MUC5AC: variants seen among roughly 807,000 people sequenced by gnomAD.
MUC5AC encodes mucin-5AC.
In MUC5AC, 158 loss-of-function variants were observed where a neutral mutation model predicts 169.7. The ratio of observed to expected loss-of-function variants is 0.93; its 90% CI spans 0.82 to 1.06. MUC5AC has a LOEUF of 1.06. MUC5AC is among the 50% of genes least tolerant of loss of function. The pLI, the probability that MUC5AC is intolerant of heterozygous loss-of-function variation, is 0.00. For missense variants in MUC5AC, 4,359 were observed against 3,089.9 expected, an observed-to-expected ratio of 1.41 and a Z score of -9.74; for synonymous variants, 1,975 against 1,237.0, an observed-to-expected ratio of 1.60 and a Z score of -12.52.
intron 4 of MUC5AC, 31 bp from the exon 5 acceptor site, chr11:1,162,501 C>T (rs748487321): frequency 3.1e-6 from 5 of 1,596,042 alleles, no homozygotes; most frequent in Middle Eastern, 1.7e-4. Flanking sequence ...TCACTGCGCT[C>T]CCAGCCCCTC....
chr11:1,167,385 C>T (rs1442855041), intron 11 of MUC5AC, among the ~76,000 whole-genome samples: 1 of 152,264 alleles, frequency 6.6e-6, no homozygotes, highest in Non-Finnish European at 1.5e-5. Context: ...ACCCAATACA[C>T]AGTTTCCCTA....
At position 1,172,477 on chromosome 11, in the gene MUC5AC, C is replaced by T; in HGVS notation, c.1919C>T (p.Pro640Leu). The T allele has an allele frequency of 2.5e-6, 1 of 398,582 alleles. No homozygotes were observed. The allele number at this position is 398,582 out of a possible 1,614,324, so 24.7% of individuals were successfully genotyped here. Residue 640 changes from proline (P) to leucine (L), a missense_variant, in exon 16 of 49, where the codon CCC becomes CTC. Transcript: ENST00000621226. ...TCGCAGCTGACCGATGCCGACGGCC[C>T]CTTCGGCCGGTGCCATGCTGCCGTG... is the stretch of plus-strand genomic sequence containing the variant. The part of the protein sequence containing the change: ...WCSQLTDADG[P>L]FGRCHAAVKP...
chr11:1,193,962 G>A (rs1484862392), intron 33 of MUC5AC, 148 bp from the exon 34 acceptor site: 27 of 640,182 alleles, frequency 4.2e-5, no homozygotes, highest in South Asian at 2.3e-4. Context: ...CGCTGGCCAC[G>A]TGTGTTCTGA....
At chr11:1,166,267 A>T (rs1275444739) in intron 11 of MUC5AC, among the ~76,000 whole-genome samples, 1 of 145,730 alleles carries the variant, frequency 6.9e-6, no homozygotes, top group Non-Finnish European at 1.5e-5. Flanking sequence ...CCCTGCACCC[A>T]ACATACAGTC....
intron 15 of MUC5AC, among the ~76,000 whole-genome samples, chr11:1,170,808 C>CTCACCCAT (rs1254367347): frequency 6.7e-6 from 1 of 149,982 alleles, no homozygotes; most frequent in Non-Finnish European, 1.5e-5. Context: ...CACTCACCCA[C>CTCACCCAT]TCACCCATTC....
Position 1,186,617 on chromosome 11 carries a change from T to C in MUC5AC, c.8472T>C (p.Pro2824=). Residue 2824 remains proline, a synonymous_variant, in exon 31 of 49, where the codon CCT becomes CCC. Coordinates refer to ENST00000621226, the MANE Select transcript of MUC5AC (RefSeq NM_001304359.2). ...STPQTSTTSA[P]TTSTTSGPGT... ...CACAGACCAGCACAACTTCGGCTCC[T>C]ACAACCAGCACAACTTCTGGTCCTG... The C allele has an allele frequency of 8.3e-6, 6 of 722,954 alleles. No homozygotes were observed. Among genetic ancestry groups the C allele is most frequent in the Non-Finnish European group, 1.3e-5 (5 of 396,612 alleles). The allele number at this position is 722,954 out of a possible 1,614,324, so 44.8% of individuals were successfully genotyped here.
intron 15 of MUC5AC, among the ~76,000 whole-genome samples, chr11:1,169,775 C>G (rs1860443521): frequency 6.7e-6 from 1 of 148,656 alleles, no homozygotes; most frequent in Non-Finnish European, 1.5e-5. Context: ...CTCGCCCACT[C>G]ACCCACTCAC....
chr11:1,191,458 G>A lies in MUC5AC; in HGVS notation c.13313G>A (p.Gly4438Glu). The change falls in exon 31 of 49, where the codon GGA becomes GAA. Residue 4438 changes from glycine (G) to glutamate (E), a missense_variant. Gly to Glu is a moderately conservative substitution (Grantham distance 98). Coordinates refer to ENST00000621226, the MANE Select transcript of MUC5AC (RefSeq NM_001304359.2). The part of the protein sequence containing the change: ...ASTASTTSGP[G>E]TTPSPVPTTS... The stretch of plus-strand genomic sequence containing the variant: ...ACAGCCAGCACAACCTCTGGTCCTG[G>A]AACTACTCCCAGCCCTGTTCCCACC... 8 of 746,640 alleles carry A rather than the reference G, an allele frequency of 1.1e-5. No homozygotes were observed. The highest frequency in any genetic ancestry group is 1.7e-5 in the Non-Finnish European group (7 of 409,478). The allele number at this position is 746,640 out of a possible 1,614,324, so 46.3% of individuals were successfully genotyped here.
chr11:1,199,745 C>T lies in MUC5AC; in HGVS notation c.16566C>T (p.Pro5522=), dbSNP rs747565022. 8.4e-6 allele frequency: 6 copies of T among 712,028 alleles called. No homozygotes were observed. The highest frequency in any genetic ancestry group is 3.9e-5 in the Admixed American group (2 of 50,990). 44.1% of individuals were successfully genotyped at this position (712,028 alleles called of 1,614,324 possible). A position where few individuals can be genotyped will look rare whatever the true frequency, so the allele number is the denominator to read the frequency against. The stretch of plus-strand genomic sequence containing the variant: ...GCTGCTGCCGCTTCTGCCCGCCGCC[C>T]CCGCCCCCGTACCAGAACCGTGAGT... ...KDGCCRFCPP[P]PPPYQNQSTC... is the part of the protein sequence containing the mutation. The change falls in exon 47 of 49, where the codon CCC becomes CCT. Residue 5522 remains proline (P), a synonymous_variant. Coordinates refer to ENST00000621226, the MANE Select transcript of MUC5AC (RefSeq NM_001304359.2).
chr11:1,158,231 C>G (rs530777955), intron 1 of MUC5AC, among the ~76,000 whole-genome samples, 159 bp downstream of exon 1: 4 of 152,364 alleles, frequency 2.6e-5, no homozygotes, highest in African/African-American at 9.6e-5. Context: ...CACGAACGAG[C>G]AGTTTCCCCT....
rs563556931 is a variant in MUC5AC, at chr11:1,162,718, C to T, written c.588+72C>T. The T allele has an allele frequency of 2.1e-4, 295 of 1,435,532 alleles. 4 individuals are homozygous for T. In the South Asian group the frequency reaches 2.5e-3, roughly 12 times the overall value. The allele number at this position is 1,435,532 out of a possible 1,614,324, so 88.9% of individuals were successfully genotyped here. On this transcript the variant is annotated intron_variant, in intron 5 of 48. Transcript: ENST00000621226. ...GGCCGGCCTGCTCCCACAGCCTCTC[C>T]GGAGAGGGTAGAAGGTGCCCTGGGC...
chr11:1,179,417 A>C (rs1055335134), intron 26 of MUC5AC, among the ~76,000 whole-genome samples, 169 bp downstream of exon 26: 2 of 150,918 alleles, frequency 1.3e-5, no homozygotes, highest in Non-Finnish European at 2.9e-5. Flanking sequence ...GGTCCCTGGC[A>C]TGGTAGAACG....
rs1020945170 is a variant in MUC5AC at position 1,182,584 on chromosome 11, C to A, written c.4439C>A (p.Pro1480His). The A allele has an allele frequency of 7.5e-6, 3 of 398,650 alleles. No individual in the cohort carries two copies. Among genetic ancestry groups the A allele is most frequent in the Non-Finnish European group, 1.3e-5 (3 of 226,202 alleles). 24.7% of individuals were successfully genotyped at this position (398,650 alleles called of 1,614,324 possible). The change falls in exon 31 of 49, where the codon CCC (proline) becomes CAC (histidine). Residue 1480 changes from proline to histidine, a missense_variant. Coordinates refer to ENST00000621226, the MANE Select transcript of MUC5AC (RefSeq NM_001304359.2). ...QIRVQCCTPL[P>H]CSTSSSPAQT... ...AGGGTCCAGTGCTGCACGCCCCTACCCTGCTCCACCTCTAGCAGTCCAGCC... is the reference window on the plus strand; with the variant it reads ...AGGGTCCAGTGCTGCACGCCCCTACACTGCTCCACCTCTAGCAGTCCAGCC...
In MUC5AC at chr11:1,197,464, G is replaced by A. The variant is rs56312433; in HGVS notation, c.15862-4G>A. 1.4e-6 allele frequency: 1 copy of A among 709,178 alleles called. No homozygotes were observed. The highest frequency in any genetic ancestry group is 2.6e-5 in the East Asian group (1 of 37,940). The allele number at this position is 709,178 out of a possible 1,614,324, so 43.9% of individuals were successfully genotyped here. ...ACGCTGGACCTCAGTCCCCTTCCTT[G>A]CAGGTGGGCCACACCGTCGGCATGG... On this transcript the variant is annotated splice_polypyrimidine_tract_variant and splice_region_variant and intron_variant, in intron 40 of 48. Transcript: ENST00000621226.
chr11:1,184,807 C>A lies in MUC5AC; in HGVS notation c.6662C>A (p.Pro2221His). The change falls in exon 31 of 49, where the codon CCC becomes CAC. Residue 2221 changes from proline (P) to histidine (H), a missense_variant. Physicochemically the swap from Pro to His is moderately conservative, Grantham distance 77. Coordinates refer to ENST00000621226, the MANE Select transcript of MUC5AC (RefSeq NM_001304359.2). ...TGCTGCGAGACCCCCAAAGGCTGCC[C>A]CGTGACCTCCACACCTGTGACAGCT... ...VLCCETPKGC[P>H]VTSTPVTAPS... is the part of the protein sequence containing the mutation. 2 of 650,434 alleles carry A rather than the reference C, an allele frequency of 3.1e-6. No homozygotes were observed. The highest frequency in any genetic ancestry group is 1.8e-5 in the African/African-American group (1 of 55,610). The allele number at this position is 650,434 out of a possible 1,614,324, so 40.3% of individuals were successfully genotyped here.
intron 15 of MUC5AC, among the ~76,000 whole-genome samples, chr11:1,169,317 G>T (rs2133728572): frequency 6.6e-6 from 1 of 151,982 alleles, no homozygotes; most frequent in South Asian, 2.1e-4. Context: ...GGGACGTGGG[G>T]AATGGATTCA....
Position 1,183,155 on chromosome 11 carries a change from T to C in MUC5AC, c.5010T>C (p.Cys1670=), listed in dbSNP as rs2133753262. The C allele has an allele frequency of 8.1e-6, 3 of 368,340 alleles. No individual in the cohort carries two copies. The East Asian group carries it at 1.1e-4, about 13-fold the overall frequency. The allele number at this position is 368,340 out of a possible 1,614,324, so 22.8% of individuals were successfully genotyped here. The change falls in exon 31 of 49, where the codon TGT becomes TGC. Residue 1670 remains cysteine, a synonymous_variant. Coordinates refer to ENST00000621226, the MANE Select transcript of MUC5AC (RefSeq NM_001304359.2). ...ICYNYEIRIQ[C]CETVNVCRDI... ...ACAACTATGAGATCCGCATCCAGTG[T>C]TGCGAGACGGTGAACGTGTGCAGAG...
At chr11:1,200,082 A>G in intron 48 of MUC5AC, 113 bp downstream of exon 48, 1 of 616,146 alleles carries the variant, frequency 1.6e-6, no homozygotes. Context: ...GGGCCAGGCA[A>G]AGGGCTCTGA....
In MUC5AC at chr11:1,165,310, CT is replaced by C. The variant is rs1181878632; in HGVS notation, c.1140del (p.Asp381ThrfsTer80). On this transcript the variant is annotated frameshift_variant, in exon 10 of 49. Transcript: ENST00000621226. LOFTEE classifies it high-confidence loss of function. The part of the protein sequence containing the change: ...AGCFCPEGTV[L>X]DDIGQTGCVP... The stretch of plus-strand genomic sequence containing the variant: ...CTGCCTGACCCCTGCAGGGACGGTG[CT>C]TGACGACATCGGCCAGACCGGCTGT... The C allele has an allele frequency of 1.2e-6, 2 of 1,611,734 alleles. No individual in the cohort carries two copies. The highest frequency in any genetic ancestry group is 2.7e-5 in the African/African-American group (2 of 74,942).
Sources: allele counts gnomAD v4.1 joint callset (sites outside exome capture counted in the v4.1 genomes callset), GRCh38; gene constraint gnomAD v4.1.1; transcripts MANE v1.5; gene names NCBI Gene and HGNC (gene_info 2026-07-23, HGNC 2026-07-21).